PRKDC: variants seen among roughly 807,000 people sequenced by gnomAD.
PRKDC encodes DNA-dependent protein kinase catalytic subunit.
Under a neutral mutation model 486.9 loss-of-function variants are expected in PRKDC, and 82 were observed. The ratio of observed to expected loss-of-function variants is 0.17; its 90% CI spans 0.14 to 0.20. The LOEUF (loss-of-function observed/expected upper bound fraction) is 0.20. PRKDC is among the 10% of genes least tolerant of loss of function. The pLI, the probability that PRKDC is intolerant of heterozygous loss-of-function variation, is 1.00. For missense variants in PRKDC, 4,504 were observed against 5,038.2 expected (o/e 0.89, Z 3.21); for synonymous variants, 1,895 against 1,837.0 (o/e 1.03, Z -0.81).
intron 68 of PRKDC, among the ~76,000 whole-genome samples, chr8:47,810,725 G>T (rs1233646406): frequency 6.6e-6 from 1 of 152,118 alleles, no homozygotes; most frequent in African/African-American, 2.4e-5. Flanking sequence ...AGTAGAAAAA[G>T]AGAAAATATT....
intron 58 of PRKDC, among the ~76,000 whole-genome samples, chr8:47,835,006 T>G (rs186554009): frequency 6.6e-6 from 1 of 152,224 alleles, no homozygotes; most frequent in Admixed American, 6.5e-5. Context: ...CTTCTAATAT[T>G]AGTGTCACAG....
chr8:47,832,358 A>G (rs1322982824), intron 59 of PRKDC, among the ~76,000 whole-genome samples: 3 of 152,224 alleles, frequency 2.0e-5, no homozygotes, highest in Admixed American at 2.0e-4. Flanking sequence ...GTACCCCACC[A>G]GGAGACACCA....
At chr8:47,885,009 G>A (rs529105192) in intron 36 of PRKDC, among the ~76,000 whole-genome samples, 8 of 152,302 alleles carry the variant, frequency 5.3e-5, no homozygotes, top group Admixed American at 5.2e-4. Context: ...CCCCAGGACG[G>A]GTTTGTAAGC....
Position 47,913,883 on chromosome 8 carries a change from A to G in PRKDC, c.2781+18T>C. ...GCAATAGGATCTAAATAATGGGTGA[A>G]ATGAAAAATAGAAGTACTTTAGTTT... On this transcript the variant is annotated intron_variant, in intron 24 of 85. Coordinates refer to ENST00000314191, the MANE Select transcript of PRKDC (RefSeq NM_006904.7). 1 of 1,583,268 alleles carries G rather than the reference A, an allele frequency of 6.3e-7. No homozygotes were observed.
chr8:47,777,130 T>A (rs2086622435), intron 84 of PRKDC, 147 bp from the exon 85 acceptor site: 2 of 942,094 alleles, frequency 2.1e-6, no homozygotes. Context: ...AAGCTGTTCA[T>A]ACAGACTCCA....
chr8:47,909,661 T>C (rs1483929305), intron 25 of PRKDC, among the ~76,000 whole-genome samples: 1 of 152,102 alleles, frequency 6.6e-6, no homozygotes, highest in African/African-American at 2.4e-5. Context: ...GTAGGAGAAA[T>C]ATCGCTGAAT....
In PRKDC at chr8:47,936,268, A is replaced by G. The variant is rs146709764; in HGVS notation, c.1278+85T>C. The G allele has an allele frequency of 1.3e-5, 19 of 1,424,300 alleles. No individual in the cohort carries two copies. The African/African-American group carries it at 1.9e-4, about 14-fold the overall frequency. 88.2% of individuals were successfully genotyped at this position (1,424,300 alleles called of 1,614,324 possible). A position where few individuals can be genotyped will look rare whatever the true frequency, so the allele number is the denominator to read the frequency against. The stretch of plus-strand genomic sequence containing the variant: ...TCATGTTGTTCCCAACAGTGCCTAC[A>G]CTAAATGTATTGTATGACTCCATCA... On this transcript the variant is annotated intron_variant, in intron 12 of 85. Transcript: ENST00000314191.
chr8:47,924,930 T>C (rs1279672153), intron 21 of PRKDC, among the ~76,000 whole-genome samples: 1 of 152,354 alleles, frequency 6.6e-6, no homozygotes, highest in Non-Finnish European at 1.5e-5. Context: ...TGAATTTATG[T>C]ATTTGTTCAA....
At chr8:47,790,270 A>G (rs1215971288) in intron 74 of PRKDC, among the ~76,000 whole-genome samples, 1 of 152,240 alleles carries the variant, frequency 6.6e-6, no homozygotes, top group Non-Finnish European at 1.5e-5. Context: ...ACAGTGAACA[A>G]TCTGAAACAG....
rs56080897 is a variant in PRKDC, at chr8:47,890,319, C to G, written c.4009G>C (p.Val1337Leu). Residue 1337 changes from valine (V) to leucine (L), a missense_variant, in exon 32 of 86, where the codon GTT (valine) becomes CTT (leucine). Val to Leu is a conservative substitution (Grantham distance 32). Coordinates refer to ENST00000314191, the MANE Select transcript of PRKDC (RefSeq NM_006904.7). Reference protein sequence around the residue: ...GERYNYSKCTVVVRIMEFTTT... With the variant: ...GERYNYSKCTLVVRIMEFTTT... ...GTAAACTCCATAATCCGGACCACAA[C>G]GGTGCATTTGCTGTAGTTGTACCTT... 2 of 1,613,170 alleles carry G rather than the reference C, an allele frequency of 1.2e-6. No homozygotes were observed. Among genetic ancestry groups the G allele is most frequent in the Non-Finnish European group, 1.7e-6 (2 of 1,179,836 alleles).
At chr8:47,847,727 T>A (rs1235735380) in intron 54 of PRKDC, among the ~76,000 whole-genome samples, 4 of 151,820 alleles carry the variant, frequency 2.6e-5, no homozygotes, top group Admixed American at 2.0e-4. Flanking sequence ...TGGGAGAAAA[T>A]ATTCAAAATA....
intron 13 of PRKDC, 29 bp downstream of exon 13, chr8:47,935,703 C>A: frequency 6.2e-7 from 1 of 1,604,516 alleles, no homozygotes; most frequent in Non-Finnish European, 8.5e-7. Context: ...TCCATCATTA[C>A]TCATAAATAC....
intron 25 of PRKDC, 64 bp from the exon 26 acceptor site, chr8:47,905,040 G>A (rs1400278050): frequency 6.6e-6 from 8 of 1,213,008 alleles, no homozygotes; most frequent in Non-Finnish European, 9.6e-6. Flanking sequence ...GCTGTAAAGG[G>A]TTCCATTTAA....
In PRKDC at chr8:47,957,377, C is replaced by T. The variant is rs1487320379; in HGVS notation, c.209G>A (p.Arg70Gln). 13 of 1,597,656 alleles carry T rather than the reference C, an allele frequency of 8.1e-6. No individual in the cohort carries two copies. The highest frequency in any genetic ancestry group is 1.1e-5 in the South Asian group (1 of 88,584). Residue 70 changes from arginine (R) to glutamine (Q), a missense_variant, in exon 2 of 86, where the codon CGG (arginine) becomes CAG (glutamine). Coordinates refer to ENST00000314191, the MANE Select transcript of PRKDC (RefSeq NM_006904.7). Reference protein sequence around the residue: ...SRDFGLLVFVRKSLNSIEFRE... With the variant: ...SRDFGLLVFVQKSLNSIEFRE... The stretch of plus-strand genomic sequence containing the variant: ...TACTTCAATACTGTTGAGTGACTTC[C>T]GGACAAATACAAGCAAACCGAAATC...
chr8:47,887,014 T>C (rs1326997189), intron 35 of PRKDC, among the ~76,000 whole-genome samples: 1 of 152,162 alleles, frequency 6.6e-6, no homozygotes, highest in African/African-American at 2.4e-5. Context: ...ATTGTTTACA[T>C]TAATCGGACA....
rs983862386 is a variant in PRKDC at position 47,936,427 on chromosome 8, T to C, written c.1204A>G (p.Thr402Ala). The C allele has an allele frequency of 1.9e-6, 3 of 1,613,898 alleles. No individual in the cohort carries two copies. Among genetic ancestry groups the C allele is most frequent in the Non-Finnish European group, 2.5e-6 (3 of 1,179,910 alleles). Residue 402 changes from threonine (T) to alanine (A), a missense_variant, in exon 12 of 86, where the codon ACT (threonine) becomes GCT (alanine). Thr to Ala is a moderately conservative substitution (Grantham distance 58). Coordinates refer to ENST00000314191, the MANE Select transcript of PRKDC (RefSeq NM_006904.7). ...ATCTGATAAACACGGTCGTCACCAG[T>C]GTCTGTCTGGGTGAGGAACATCTGC... ...CKQMFLTQTDTGDDRVYQMPS... is the reference protein window; with the variant it reads ...CKQMFLTQTDAGDDRVYQMPS...
chr8:47,896,573 G>A (rs917485246), intron 30 of PRKDC, among the ~76,000 whole-genome samples: 15 of 151,990 alleles, frequency 9.9e-5, no homozygotes, highest in African/African-American at 3.6e-4. Flanking sequence ...CGTGAACCCA[G>A]GAGGTGGAGC....
intron 54 of PRKDC, among the ~76,000 whole-genome samples, chr8:47,840,773 T>C (rs980278777): frequency 1.3e-5 from 2 of 152,240 alleles, no homozygotes; most frequent in Admixed American, 6.5e-5. Context: ...ATACAGTAGA[T>C]ACTCAGTGAA....
At chr8:47,890,050 A>C (rs1480460549) in intron 32 of PRKDC, among the ~76,000 whole-genome samples, 1 of 152,106 alleles carries the variant, frequency 6.6e-6, no homozygotes, top group Admixed American at 6.5e-5. Flanking sequence ...GACAATGCAA[A>C]GTTTTAGAAA....
Sources: gnomAD v4.1 joint callset for allele counts (sites outside exome capture counted in the v4.1 genomes callset) on GRCh38, gnomAD v4.1.1 for gene constraint, MANE v1.5 for transcripts, NCBI Gene and HGNC (gene_info 2026-07-23, HGNC 2026-07-21) for gene names.